Variants in GSK3B observed in about 807,000 individuals in gnomAD.
GSK3B encodes glycogen synthase kinase-3 beta.
In GSK3B, 15 loss-of-function variants were observed where a neutral mutation model predicts 56.4. The ratio of observed to expected loss-of-function variants is 0.27; its 90% confidence interval spans 0.18 to 0.41. The LOEUF (loss-of-function observed/expected upper bound fraction) is 0.41. Among genes scored for constraint, GSK3B ranks in the 10% least tolerant of loss-of-function variants. GSK3B has a pLI of 1.00. For synonymous variants in GSK3B, 181 were observed against 188.9 expected, an observed-to-expected ratio of 0.96 and a Z score of 0.34; for missense variants, 300 against 513.4, an observed-to-expected ratio of 0.58 and a Z score of 4.02.
chr3:119,952,290 C>A (rs1376654977), intron 2 of GSK3B, among the ~76,000 whole-genome samples: 4 of 151,892 alleles, frequency 2.6e-5, no homozygotes, highest in Non-Finnish European at 5.9e-5. Flanking sequence ...GAGTTCAAGA[C>A]CAGCCTGGCC....
chr3:119,891,528 G>A (rs78327070), intron 7 of GSK3B, among the ~76,000 whole-genome samples: 7,950 of 152,140 alleles, frequency 0.052, 262 homozygotes, highest in Non-Finnish European at 0.077. Context: ...TAATTTTATA[G>A]ATAAAAAAGA....
chr3:120,027,246 G>A (rs1057432902), intron 1 of GSK3B, among the ~76,000 whole-genome samples: 2 of 142,710 alleles, frequency 1.4e-5, no homozygotes, highest in African/African-American at 2.6e-5. Flanking sequence ...GTGTGGTGGT[G>A]CGTGCCTGTA....
intron 1 of GSK3B, among the ~76,000 whole-genome samples, chr3:120,076,448 T>C (rs916006160): frequency 6.6e-6 from 1 of 152,152 alleles, no homozygotes; most frequent in African/African-American, 2.4e-5. Flanking sequence ...AAACCATATA[T>C]CTGATAAGGG....
At chr3:120,055,000 C>T (rs1576299521) in intron 1 of GSK3B, among the ~76,000 whole-genome samples, 1 of 152,290 alleles carries the variant, frequency 6.6e-6, no homozygotes. Context: ...AAGAAATCAT[C>T]AACTACTAAA....
At chr3:120,088,719 A>C (rs1041663930) in intron 1 of GSK3B, among the ~76,000 whole-genome samples, 2 of 152,256 alleles carry the variant, frequency 1.3e-5, no homozygotes, top group African/African-American at 4.8e-5. Flanking sequence ...TCTTAGAAGA[A>C]CAATATCCGG....
intron 7 of GSK3B, among the ~76,000 whole-genome samples, chr3:119,901,769 TA>T (rs1042017473): frequency 6.6e-6 from 1 of 151,818 alleles, no homozygotes; most frequent in Non-Finnish European, 1.5e-5. Context: ...AACATAAGAA[TA>T]AAAAAAAGTC....
chr3:119,911,660 T>A (rs1307481325), intron 6 of GSK3B, among the ~76,000 whole-genome samples: 1 of 152,194 alleles, frequency 6.6e-6, no homozygotes, highest in Admixed American at 6.5e-5. Context: ...TCATCGATGA[T>A]CTTAGTTAGA....
rs1048264543 is a variant in GSK3B, at chr3:119,872,743, T to C, written c.909+3670A>G. ...ACTAAAGTAATCCTTTATATGTATATTATGGCTGTATTTTCAAAATAATCC... is the reference window on the plus strand; with the variant it reads ...ACTAAAGTAATCCTTTATATGTATACTATGGCTGTATTTTCAAAATAATCC... On this transcript the variant is annotated intron_variant, in intron 8 of 10. Transcript: ENST00000264235. Among the ~76,000 whole-genome samples, 6 of 152,270 alleles carry C rather than the reference T, an allele frequency of 3.9e-5. No individual in the cohort carries two copies. The East Asian group carries it at 1.2e-3, about 29-fold the overall frequency.
chr3:119,829,803 AG>A (rs2055570508), intron 10 of GSK3B, among the ~76,000 whole-genome samples: 1 of 152,368 alleles, frequency 6.6e-6, no homozygotes, highest in East Asian at 1.9e-4. Context: ...AAAATTTGAT[AG>A]ACACCCATGC....
In GSK3B at chr3:120,093,473, C is replaced by A. The variant is rs775065747; in HGVS notation, c.-39G>T. On this transcript the variant is annotated 5_prime_UTR_variant, in exon 1 of 11. Coordinates refer to ENST00000264235, the MANE Select transcript of GSK3B (RefSeq NM_001146156.2). ...GCGAATCACCTTTTCCTTCCTTCCTCCTTTTCTTCCTTTTGTCTTTATGTT... is the reference window on the plus strand; with the variant it reads ...GCGAATCACCTTTTCCTTCCTTCCTACTTTTCTTCCTTTTGTCTTTATGTT... The A allele has an allele frequency of 7.8e-7, 1 of 1,289,410 alleles. No individual in the cohort carries two copies. The highest frequency in any genetic ancestry group is 1.1e-6 in the Non-Finnish European group (1 of 884,912). 79.9% of individuals were successfully genotyped at this position (1,289,410 alleles called of 1,614,324 possible). A position where few individuals can be genotyped will look rare whatever the true frequency, so the allele number is the denominator to read the frequency against.
chr3:119,838,322 T>G (rs1165054464), intron 10 of GSK3B, among the ~76,000 whole-genome samples: 1 of 152,040 alleles, frequency 6.6e-6, no homozygotes, highest in African/African-American at 2.4e-5. Flanking sequence ...TAGGAATTGA[T>G]AGTAGTATGG....
intron 8 of GSK3B, among the ~76,000 whole-genome samples, chr3:119,867,392 C>T (rs968093911): frequency 1.3e-5 from 2 of 152,222 alleles, no homozygotes; most frequent in East Asian, 1.9e-4. Context: ...GGGCTTTGCC[C>T]GCTCATACCC....
intron 10 of GSK3B, among the ~76,000 whole-genome samples, chr3:119,838,516 G>A (rs2055726774): frequency 6.6e-6 from 1 of 152,100 alleles, no homozygotes; most frequent in African/African-American, 2.4e-5. Context: ...CTATCCACAT[G>A]AAAATACACA....
At chr3:119,884,638 C>T (rs546192137) in intron 7 of GSK3B, among the ~76,000 whole-genome samples, 2 of 152,040 alleles carry the variant, frequency 1.3e-5, no homozygotes, top group African/African-American at 4.8e-5. Context: ...GGGCAGAAAA[C>T]AAGGAAGAGT....
At chr3:119,893,776 C>A (rs555797391) in intron 7 of GSK3B, among the ~76,000 whole-genome samples, 2 of 151,978 alleles carry the variant, frequency 1.3e-5, no homozygotes, top group African/African-American at 4.8e-5. Flanking sequence ...CCTTTAGAGT[C>A]CTTTGCAAAA....
chr3:119,830,683 C>G (rs2055584795), intron 10 of GSK3B, among the ~76,000 whole-genome samples: 1 of 152,204 alleles, frequency 6.6e-6, no homozygotes, highest in South Asian at 2.1e-4. Context: ...AGATGCTCTT[C>G]TGAACTTCAC....
chr3:119,876,552 C>G (rs2056315756), intron 7 of GSK3B, 44 bp from the exon 8 acceptor site: 3 of 1,046,544 alleles, frequency 2.9e-6, no homozygotes, highest in Admixed American at 1.9e-5. Flanking sequence ...TATATATTTA[C>G]AAATTTAGTC....
Position 119,822,078 on chromosome 3 carries a change from A to T in GSK3B, c.*4710T>A, listed in dbSNP as rs776469006. The T allele has an allele frequency of 1.8e-4, 36 of 198,806 alleles. No homozygotes were observed. The highest frequency in any genetic ancestry group is 3.1e-4 in the Non-Finnish European group (30 of 96,932). 12.3% of individuals were successfully genotyped at this position (198,806 alleles called of 1,614,324 possible). A position where few individuals can be genotyped will look rare whatever the true frequency, so the allele number is the denominator to read the frequency against. The stretch of plus-strand genomic sequence containing the variant: ...CAAGGGAATGGGGAAAGGGAAAAAA[A>T]ACATTGAGCATACTTTTCACAAAAA... On this transcript the variant is annotated 3_prime_UTR_variant, in exon 11 of 11. Transcript: ENST00000264235.
chr3:119,873,876 A>C (rs912513279), intron 8 of GSK3B, among the ~76,000 whole-genome samples: 1 of 152,178 alleles, frequency 6.6e-6, no homozygotes, highest in Non-Finnish European at 1.5e-5. Context: ...ATGTCAAAAA[A>C]CACCAGACGA....
Sources: gnomAD v4.1 joint callset for allele counts (sites outside exome capture counted in the v4.1 genomes callset) on GRCh38, gnomAD v4.1.1 for gene constraint, MANE v1.5 for transcripts, NCBI Gene and HGNC (gene_info 2026-07-23, HGNC 2026-07-21) for gene names.